PNPLA4: variants seen among roughly 807,000 people sequenced by gnomAD.
The protein encoded by PNPLA4 is patatin like domain 4, phospholipase and triacylglycerol lipase, also known as patatin-like phospholipase domain-containing protein 4.
Under a neutral mutation model 18.3 loss-of-function variants are expected in PNPLA4, and 15 were observed. The observed-to-expected ratio is 0.82, with a 90% CI of 0.55 to 1.26. The LOEUF (loss-of-function observed/expected upper bound fraction) is 1.26. Ranked by LOEUF, PNPLA4 falls within the 50% of genes most tolerant of loss-of-function variation. The pLI is 0.00. For synonymous variants in PNPLA4, 88 were observed against 85.6 expected (o/e 1.03, Z -0.16); for missense variants, 229 against 196.8 (o/e 1.16, Z -0.98).
At chrX:7,921,566 A>C in intron 4 of PNPLA4, 147 bp downstream of exon 4, 1 of 536,178 alleles carries the variant, frequency 1.9e-6, no homozygotes, top group Non-Finnish European at 3.1e-6. Context: ...ACTTTCATCA[A>C]ACAAGTAATT....
In PNPLA4 at chrX:7,898,852, T is replaced by C. The variant is rs748676216; in HGVS notation, c.*1834A>G. 2 of 112,102 alleles carry C rather than the reference T, an allele frequency of 1.8e-5. No individual in the cohort carries two copies. Among genetic ancestry groups the C allele is most frequent in the Non-Finnish European group, 3.8e-5 (2 of 53,221 alleles). The allele number at this position is 112,102 out of a possible 1,213,427, so 9.2% of individuals were successfully genotyped here. ...TACAAGATACTTCAAAAAAGTCTTA[T>C]ACAATGAGATTTGGTTTTGCAGCTT... On this transcript the variant is annotated 3_prime_UTR_variant, in exon 7 of 7. Transcript: ENST00000381042.
chrX:7,921,787 C>T lies in PNPLA4; in HGVS notation c.337G>A (p.Val113Ile), dbSNP rs2231791. 1.3e-3 allele frequency: 1,584 copies of T among 1,204,531 alleles called. 25 individuals carry two copies. The Admixed American group carries it at 0.027, about 20-fold the overall frequency. Residue 113 changes from valine (V) to isoleucine (I), a missense_variant, in exon 4 of 7, where the codon GTA becomes ATA. By Grantham distance (29) the Val-to-Ile change is conservative. Coordinates refer to ENST00000381042, the MANE Select transcript of PNPLA4 (RefSeq NM_004650.3). The stretch of plus-strand genomic sequence containing the variant: ...CTGGTTTTGGCGTTGGTGATGGATA[C>T]GTGCAGTCGGTTCTGGGCCAGCTCG... Reference protein sequence around the residue: ...AHELAQNRLHVSITNAKTREN... With the variant: ...AHELAQNRLHISITNAKTREN...
chrX:7,923,417 G>A (rs1249590301), intron 2 of PNPLA4, among the ~76,000 whole-genome samples: 1 of 112,157 alleles, frequency 8.9e-6, no homozygotes, highest in Non-Finnish European at 1.9e-5. Flanking sequence ...TTCTCCCCTG[G>A]AGCCTCTGGA....
chrX:7,915,377 G>T (rs1364313806), intron 4 of PNPLA4, among the ~76,000 whole-genome samples: 3 of 109,638 alleles, frequency 2.7e-5, no homozygotes, highest in Non-Finnish European at 5.7e-5. Flanking sequence ...TTCCTACAAA[G>T]GACAGACAGC....
chrX:7,915,600 T>A (rs1924021350), intron 4 of PNPLA4, among the ~76,000 whole-genome samples: 1 of 112,195 alleles, frequency 8.9e-6, no homozygotes, highest in Admixed American at 9.5e-5. Context: ...TGTCTTCCTG[T>A]AGCAACTGTA....
chrX:7,898,267 A>G lies in PNPLA4; in HGVS notation c.*2419T>C, dbSNP rs1343860575. The G allele has an allele frequency of 1.8e-5, 2 of 111,970 alleles. No homozygotes were observed. Among genetic ancestry groups the G allele is most frequent in the African/African-American group, 6.5e-5 (2 of 30,816 alleles). 9.2% of individuals were successfully genotyped at this position (111,970 alleles called of 1,213,427 possible). A position where few individuals can be genotyped will look rare whatever the true frequency, so the allele number is the denominator to read the frequency against. ...AAAAGGAAGACTAATGACATTTTTA[A>G]TGACAGATTCAAATATATAAGGAAA... is the stretch of plus-strand genomic sequence containing the variant. On this transcript the variant is annotated 3_prime_UTR_variant, in exon 7 of 7. Transcript: ENST00000381042.
rs911032211 is a variant in PNPLA4, at chrX:7,899,089, T to C, written c.*1597A>G. ...AACAACACATTAAGATTAAACTACA[T>C]GTTTGCTAGAGTAGGAGAAAGTATA... On this transcript the variant is annotated 3_prime_UTR_variant, in exon 7 of 7. Coordinates refer to ENST00000381042, the MANE Select transcript of PNPLA4 (RefSeq NM_004650.3). 1 of 109,663 alleles carries C rather than the reference T, an allele frequency of 9.1e-6. No homozygotes were observed. The highest frequency in any genetic ancestry group is 1.9e-5 in the Non-Finnish European group (1 of 53,108). The allele number at this position is 109,663 out of a possible 1,213,427, so 9.0% of individuals were successfully genotyped here. A position where few individuals can be genotyped will look rare whatever the true frequency, so the allele number is the denominator to read the frequency against.
At chrX:7,913,895 C>T (rs1357459777) in intron 4 of PNPLA4, among the ~76,000 whole-genome samples, 1 of 112,054 alleles carries the variant, frequency 8.9e-6, no homozygotes, top group Non-Finnish European at 1.9e-5. Flanking sequence ...TGAGACTGTC[C>T]CCAGAATCAA....
chrX:7,922,113 T>A lies in PNPLA4; in HGVS notation c.181-15A>T. 1 of 1,083,093 alleles carries A rather than the reference T, an allele frequency of 9.2e-7. No individual in the cohort carries two copies. Among genetic ancestry groups the A allele is most frequent in the Non-Finnish European group, 1.3e-6 (1 of 782,681 alleles). The allele number at this position is 1,083,093 out of a possible 1,213,427, so 89.3% of individuals were successfully genotyped here. ...TGGTTACATTCCTAAAAAAAGAAAA[T>A]TAAGAAGTGACCCTAGGTGTTGTAA... is the stretch of plus-strand genomic sequence containing the variant. On this transcript the variant is annotated splice_polypyrimidine_tract_variant and intron_variant, in intron 2 of 6. Transcript: ENST00000381042.
At chrX:7,911,356 A>G (rs1923868213) in intron 5 of PNPLA4, among the ~76,000 whole-genome samples, 1 of 111,964 alleles carries the variant, frequency 8.9e-6, no homozygotes, top group Non-Finnish European at 1.9e-5. Flanking sequence ...TGTCCATGCA[A>G]TGGAGGAGCT....
chrX:7,913,524 G>A (rs1433091179), intron 4 of PNPLA4, among the ~76,000 whole-genome samples: 1 of 112,101 alleles, frequency 8.9e-6, no homozygotes, highest in Non-Finnish European at 1.9e-5. Flanking sequence ...GCAAATTCAA[G>A]GGTAACAGCA....
chrX:7,900,930 A>G, intron 6 of PNPLA4, 113 bp from the exon 7 acceptor site: 1 of 593,362 alleles, frequency 1.7e-6, no homozygotes, highest in South Asian at 4.2e-5. Flanking sequence ...GTAACAAAAA[A>G]TCAGTAGGAA....
At chrX:7,921,279 AC>A (rs1342414388) in intron 4 of PNPLA4, among the ~76,000 whole-genome samples, 2 of 111,647 alleles carry the variant, frequency 1.8e-5, no homozygotes, top group African/African-American at 6.5e-5. Context: ...CAAAACAAAA[AC>A]AAAAACATAA....
intron 5 of PNPLA4, among the ~76,000 whole-genome samples, chrX:7,911,283 C>A (rs139083544): frequency 8.9e-6 from 1 of 111,901 alleles, no homozygotes; most frequent in Non-Finnish European, 1.9e-5. Flanking sequence ...TTATAAAATA[C>A]GTATCTGTGA....
chrX:7,902,932 T>C (rs1454121388), intron 5 of PNPLA4, among the ~76,000 whole-genome samples: 4 of 112,039 alleles, frequency 3.6e-5, no homozygotes, highest in Non-Finnish European at 7.5e-5. Context: ...CATGATCTGA[T>C]GTATTCACAT....
chrX:7,918,442 C>T (rs1244856708), intron 4 of PNPLA4, among the ~76,000 whole-genome samples: 5 of 111,397 alleles, frequency 4.5e-5, no homozygotes, highest in Non-Finnish European at 9.4e-5. Context: ...TGGGGAAAAC[C>T]ATCCCCATAA....
At chrX:7,926,880 CA>C (rs1478268452) in intron 1 of PNPLA4, among the ~76,000 whole-genome samples, 1 of 112,510 alleles carries the variant, frequency 8.9e-6, no homozygotes, top group African/African-American at 3.2e-5. Flanking sequence ...TGTGCCTCCA[CA>C]AGGCTGTCCA....
chrX:7,907,192 T>C (rs1163351114), intron 5 of PNPLA4, among the ~76,000 whole-genome samples: 2 of 111,016 alleles, frequency 1.8e-5, no homozygotes, highest in Non-Finnish European at 3.8e-5. Flanking sequence ...TAATTTTTTG[T>C]ATTTTTAGTA....
intron 6 of PNPLA4, 55 bp downstream of exon 6, chrX:7,901,934 T>A: frequency 7.1e-6 from 8 of 1,122,739 alleles, no homozygotes; most frequent in Non-Finnish European, 9.7e-6. Flanking sequence ...TTGAATTCTG[T>A]GGGAATTTTT....
Sources: allele counts gnomAD v4.1 joint callset (sites outside exome capture counted in the v4.1 genomes callset), GRCh38; gene constraint gnomAD v4.1.1; transcripts MANE v1.5; gene names NCBI Gene and HGNC (gene_info 2026-07-23, HGNC 2026-07-21).